The following SDC2 variants were observed in gnomAD, a reference collection of about 807,000 sequenced individuals.
SDC2 encodes the protein syndecan 2, also known as syndecan-2.
A neutral mutation model predicts 22.2 loss-of-function variants in SDC2; 13 were observed. That is an observed-to-expected ratio of 0.59 (90% CI 0.38 to 0.93). The LOEUF (loss-of-function observed/expected upper bound fraction) is 0.93. SDC2 is among the 40% of genes least tolerant of loss of function. The pLI is 0.00. For missense variants in SDC2, 235 were observed against 246.8 expected, an observed-to-expected ratio of 0.95 and a Z score of 0.32; for synonymous variants, 94 against 92.8, an observed-to-expected ratio of 1.01 and a Z score of -0.07.
rs1305823004 is a variant in SDC2, at chr8:96,602,476, A to G, written c.254A>G (p.Lys85Arg). 2 of 1,614,048 alleles carry G rather than the reference A, an allele frequency of 1.2e-6. No homozygotes were observed. Among genetic ancestry groups the G allele is most frequent in the Non-Finnish European group, 8.5e-7 (1 of 1,180,006 alleles). ...PKILLTSAAP[K>R]VETTTLNIQN... Reference sequence around the variant, plus strand: ...ATACTGTTGACTAGTGCTGCTCCAAAAGTGGAAACCACGACGCTGAATATA... The same window carrying G: ...ATACTGTTGACTAGTGCTGCTCCAAGAGTGGAAACCACGACGCTGAATATA... The change falls in exon 3 of 5, where the codon AAA becomes AGA. Residue 85 changes from lysine (K) to arginine (R), a missense_variant. Lys to Arg is a conservative substitution (Grantham distance 26). Transcript: ENST00000302190.
chr8:96,594,469 C>G (rs1375698112), intron 2 of SDC2, among the ~76,000 whole-genome samples: 1 of 152,142 alleles, frequency 6.6e-6, no homozygotes, highest in Non-Finnish European at 1.5e-5. Context: ...GCAGCCAGGC[C>G]TTAGAACTGG....
chr8:96,499,790 A>T (rs2130418618), intron 1 of SDC2, among the ~76,000 whole-genome samples: 1 of 151,358 alleles, frequency 6.6e-6, no homozygotes, highest in East Asian at 1.9e-4. Flanking sequence ...GAAATGAATG[A>T]AATGAGGGAG....
chr8:96,588,552 C>T (rs1485518954), intron 1 of SDC2, among the ~76,000 whole-genome samples: 5 of 152,064 alleles, frequency 3.3e-5, no homozygotes, highest in South Asian at 2.1e-4. Context: ...CTGCCTTTAC[C>T]GTAAAACAGG....
At chr8:96,501,569 A>T (rs1474521094) in intron 1 of SDC2, among the ~76,000 whole-genome samples, 2 of 151,974 alleles carry the variant, frequency 1.3e-5, no homozygotes, top group Non-Finnish European at 2.9e-5. Context: ...CAGCCTCCCA[A>T]AGTGCTGGGA....
intron 1 of SDC2, among the ~76,000 whole-genome samples, chr8:96,566,991 T>G (rs935747497): frequency 2.0e-5 from 3 of 152,136 alleles, no homozygotes; most frequent in Non-Finnish European, 4.4e-5. Context: ...GTAGCTGGGA[T>G]TACAGGCAGC....
chr8:96,502,483 A>C (rs1371947542), intron 1 of SDC2, among the ~76,000 whole-genome samples: 1 of 97,072 alleles, frequency 1.0e-5, no homozygotes, highest in African/African-American at 3.5e-5. Flanking sequence ...AGAAGACTAC[A>C]TGACTTGATA....
intron 1 of SDC2, among the ~76,000 whole-genome samples, chr8:96,537,911 C>T (rs1189175691): frequency 1.3e-5 from 2 of 152,092 alleles, no homozygotes; most frequent in East Asian, 1.9e-4. Context: ...CAAACTCTTA[C>T]TTCCTGCAGG....
At chr8:96,584,424 A>G (rs1216599236) in intron 1 of SDC2, among the ~76,000 whole-genome samples, 1 of 152,252 alleles carries the variant, frequency 6.6e-6, no homozygotes. Context: ...AAAGTGAATT[A>G]TTAAATCTAA....
chr8:96,500,334 TG>T (rs1393662541), intron 1 of SDC2, among the ~76,000 whole-genome samples: 1 of 151,978 alleles, frequency 6.6e-6, no homozygotes, highest in East Asian at 1.9e-4. Flanking sequence ...TTTGGGGATC[TG>T]GGGGCAGAAA....
At chr8:96,502,705 TAC>T (rs1484839159) in intron 1 of SDC2, among the ~76,000 whole-genome samples, 2 of 152,200 alleles carry the variant, frequency 1.3e-5, no homozygotes, top group African/African-American at 2.4e-5. Flanking sequence ...TGGGTTTGGA[TAC>T]ACTTATTATG....
intron 1 of SDC2, among the ~76,000 whole-genome samples, chr8:96,591,069 G>A (rs1814773096): frequency 6.6e-6 from 1 of 152,160 alleles, no homozygotes; most frequent in South Asian, 2.1e-4. Flanking sequence ...TTCTCTGGGA[G>A]GCATTTTTGG....
At chr8:96,501,430 G>A (rs1036127854) in intron 1 of SDC2, among the ~76,000 whole-genome samples, 16 of 145,122 alleles carry the variant, frequency 1.1e-4, no homozygotes, top group African/African-American at 2.3e-4. Flanking sequence ...TCAACCTCCC[G>A]AGTAGCTGGG....
At chr8:96,579,054 T>C (rs1490222839) in intron 1 of SDC2, among the ~76,000 whole-genome samples, 2 of 152,194 alleles carry the variant, frequency 1.3e-5, no homozygotes, top group Non-Finnish European at 2.9e-5. Flanking sequence ...CAAATAGCAG[T>C]TAAGTTTTTT....
intron 1 of SDC2, among the ~76,000 whole-genome samples, chr8:96,564,013 T>G (rs528099468): frequency 1.4e-4 from 22 of 152,362 alleles, no homozygotes; most frequent in African/African-American, 5.3e-4. Context: ...GCTTGTATTC[T>G]GCAGGCAGTT....
chr8:96,549,521 G>C (rs1362956240), intron 1 of SDC2, among the ~76,000 whole-genome samples: 1 of 152,192 alleles, frequency 6.6e-6, no homozygotes, highest in Admixed American at 6.5e-5. Context: ...ACAGCTGGTA[G>C]GTAGAACCAA....
At chr8:96,587,781 G>A (rs1814710700) in intron 1 of SDC2, among the ~76,000 whole-genome samples, 1 of 152,086 alleles carries the variant, frequency 6.6e-6, no homozygotes, top group Non-Finnish European at 1.5e-5. Context: ...GCTGGATTAA[G>A]CCAAGTTCAA....
intron 1 of SDC2, among the ~76,000 whole-genome samples, chr8:96,588,037 G>A (rs1167595754): frequency 6.6e-6 from 1 of 152,136 alleles, no homozygotes; most frequent in Non-Finnish European, 1.5e-5. Context: ...TGCCTGGCAC[G>A]TAATAAACAC....
intron 1 of SDC2, among the ~76,000 whole-genome samples, chr8:96,558,613 A>T (rs921412817): frequency 6.6e-6 from 1 of 152,212 alleles, no homozygotes; most frequent in South Asian, 2.1e-4. Flanking sequence ...AAGCATCTTA[A>T]TGAATCAAAG....
chr8:96,494,259 G>C lies in SDC2; in HGVS notation c.-13G>C, dbSNP rs1452649567. ...TGCAAGCAGCGGCTGGGAGCAGCCGGTCCCTGGGGAATATGCGGCGCGCGT... is the reference window on the plus strand; with the variant it reads ...TGCAAGCAGCGGCTGGGAGCAGCCGCTCCCTGGGGAATATGCGGCGCGCGT... On this transcript the variant is annotated 5_prime_UTR_variant, in exon 1 of 5. Transcript: ENST00000302190. 1.3e-6 allele frequency: 2 copies of C among 1,543,972 alleles called. No individual in the cohort carries two copies. The highest frequency in any genetic ancestry group is 1.7e-6 in the Non-Finnish European group (2 of 1,147,970).
Sources: gnomAD v4.1 joint callset for allele counts (sites outside exome capture counted in the v4.1 genomes callset) on GRCh38, gnomAD v4.1.1 for gene constraint, MANE v1.5 for transcripts, NCBI Gene and HGNC (gene_info 2026-07-23, HGNC 2026-07-21) for gene names.